The following ETV5 variants were observed in gnomAD, a reference collection of about 807,000 sequenced individuals.
The protein encoded by ETV5 is ETS translocation variant 5.
A neutral mutation model predicts 70.0 loss-of-function variants in ETV5; 10 were observed. That is an observed-to-expected ratio of 0.14 (90% CI 0.09 to 0.24). The LOEUF (loss-of-function observed/expected upper bound fraction) is 0.24. Ranked by LOEUF, ETV5 falls within the 10% of genes least tolerant of loss-of-function variation. The pLI is 1.00. For synonymous variants in ETV5, 216 were observed against 242.2 expected (o/e 0.89, Z 1.01); for missense variants, 453 against 651.2 (o/e 0.70, Z 3.31).
intron 7 of ETV5, chr3:186,077,873 AGT>A (rs1314864901): frequency 1.8e-5 from 7 of 391,552 alleles, no homozygotes; most frequent in Non-Finnish European, 2.7e-5. Context: ...GTATCACCCC[AGT>A]GTGTGTGTGA....
Position 186,077,056 on chromosome 3 carries a change from C to T in ETV5, c.650+2761G>A, listed in dbSNP as rs577660850. Among the ~76,000 whole-genome samples the T allele has an allele frequency of 7.9e-5, 12 of 152,342 alleles. No individual in the cohort carries two copies. In the East Asian group the frequency reaches 2.1e-3, roughly 27 times the overall value. ...GTTTTTGGTTGCTGAATGTAGGACCCTGTATTTGGCTATGTGAGCTTTAGA... is the reference window on the plus strand; with the variant it reads ...GTTTTTGGTTGCTGAATGTAGGACCTTGTATTTGGCTATGTGAGCTTTAGA... On this transcript the variant is annotated intron_variant, in intron 7 of 12. Transcript: ENST00000306376.
chr3:186,070,562 G>C (rs1713608041), intron 7 of ETV5, among the ~76,000 whole-genome samples: 1 of 152,218 alleles, frequency 6.6e-6, no homozygotes. Context: ...AGCAGGAGTG[G>C]CCAAGGGGGA....
At chr3:186,070,971 C>T (rs1002482417) in intron 7 of ETV5, among the ~76,000 whole-genome samples, 3 of 152,150 alleles carry the variant, frequency 2.0e-5, no homozygotes, top group African/African-American at 4.8e-5. Flanking sequence ...CTTCTGACTC[C>T]GAATAAGCCT....
chr3:186,090,003 G>GA (rs1219184466), intron 5 of ETV5, among the ~76,000 whole-genome samples: 1 of 152,044 alleles, frequency 6.6e-6, no homozygotes, highest in Admixed American at 6.5e-5. Context: ...AAATGGTTAA[G>GA]AAAAAACCAT....
chr3:186,073,818 C>T (rs1022855320), intron 7 of ETV5, among the ~76,000 whole-genome samples: 3 of 152,170 alleles, frequency 2.0e-5, no homozygotes, highest in Non-Finnish European at 2.9e-5. Flanking sequence ...GCAATCACTT[C>T]TAAACAAGGC....
intron 9 of ETV5, among the ~76,000 whole-genome samples, chr3:186,061,265 T>C (rs769817210): frequency 1.3e-5 from 2 of 152,144 alleles, no homozygotes; most frequent in Non-Finnish European, 2.9e-5. Context: ...AAAGCCTGGG[T>C]CCCACCCCAG....
chr3:186,100,086 A>G (rs1425754046), intron 5 of ETV5, among the ~76,000 whole-genome samples: 1 of 152,238 alleles, frequency 6.6e-6, no homozygotes, highest in Non-Finnish European at 1.5e-5. Context: ...TGAGGCTATC[A>G]AAACAGGAAG....
At position 186,054,934 on chromosome 3, in the gene ETV5, G is replaced by C. The variant is rs956487835; in HGVS notation, c.1209+2141C>G. On this transcript the variant is annotated intron_variant, in intron 11 of 12. Coordinates refer to ENST00000306376, the MANE Select transcript of ETV5 (RefSeq NM_004454.3). The surrounding 1 kb of genome is among the most constrained non-coding windows in gnomAD (Gnocchi z 4.4). ...GGAAAGCTTGGGGACTTCAAGGTGGGGTGGAAAGCACCATTTCCTGAAGAA... is the reference window on the plus strand; with the variant it reads ...GGAAAGCTTGGGGACTTCAAGGTGGCGTGGAAAGCACCATTTCCTGAAGAA... 6.6e-6 allele frequency among the ~76,000 whole-genome samples: 1 copy of C among 152,194 alleles called. No homozygotes were observed. The highest frequency in any genetic ancestry group is 1.5e-5 in the Non-Finnish European group (1 of 68,032).
chr3:186,078,106 C>G, intron 7 of ETV5: 1 of 1,051,618 alleles, frequency 9.5e-7, no homozygotes. Context: ...TGGAGACAGG[C>G]TTATTTCACA....
intron 11 of ETV5, 79 bp downstream of exon 11, chr3:186,056,996 C>T: frequency 2.0e-6 from 3 of 1,520,960 alleles, no homozygotes; most frequent in East Asian, 4.6e-5. Flanking sequence ...ACACAAAAAG[C>T]CTCAATGGAA....
chr3:186,053,685 C>G (rs972622752), intron 11 of ETV5, among the ~76,000 whole-genome samples: 2 of 152,180 alleles, frequency 1.3e-5, no homozygotes, highest in Admixed American at 1.3e-4. Context: ...ACACGATGTC[C>G]TGGGTCTCCT....
intron 5 of ETV5, among the ~76,000 whole-genome samples, chr3:186,101,434 T>A (rs1714456020): frequency 6.6e-6 from 1 of 152,002 alleles, no homozygotes. Context: ...GTTACAGGTG[T>A]GAGCCTAAAT....
At chr3:186,095,983 C>A (rs1295273774) in intron 5 of ETV5, among the ~76,000 whole-genome samples, 1 of 152,200 alleles carries the variant, frequency 6.6e-6, no homozygotes, top group Non-Finnish European at 1.5e-5. Context: ...GACAGGGCTC[C>A]TCTGCTTCTG....
At chr3:186,066,493 G>C (rs1050678803) in intron 7 of ETV5, among the ~76,000 whole-genome samples, 1 of 151,914 alleles carries the variant, frequency 6.6e-6, no homozygotes, top group Non-Finnish European at 1.5e-5. Flanking sequence ...AAATTAACCA[G>C]TTAGAAAATG....
chr3:186,072,371 CA>C (rs11418453), intron 7 of ETV5, among the ~76,000 whole-genome samples: 61 of 136,398 alleles, frequency 4.5e-4, no homozygotes, highest in Admixed American at 5.1e-4. Flanking sequence ...GACTCTATCT[CA>C]AAAAAAAAAA....
intron 5 of ETV5, among the ~76,000 whole-genome samples, chr3:186,091,520 C>T (rs760965958): frequency 7.2e-5 from 11 of 152,058 alleles, no homozygotes; most frequent in Non-Finnish European, 1.3e-4. Context: ...CAATAAATAA[C>T]GCAAGAGCCA....
chr3:186,057,577 T>C lies in ETV5; in HGVS notation c.971-86A>G, dbSNP rs1021104138. On this transcript the variant is annotated intron_variant, in intron 9 of 12. Coordinates refer to ENST00000306376, the MANE Select transcript of ETV5 (RefSeq NM_004454.3). This position sits in a 1 kb window ranked among gnomAD's most constrained non-coding sequence, Gnocchi z 4.9. ...TATGGATTTAAGGACTAGAGTGCAA[T>C]CCTATCATTTCAGATCCTAAGTCCT... is the stretch of plus-strand genomic sequence containing the variant. 7.0e-6 allele frequency: 8 copies of C among 1,135,488 alleles called. 1 individual carries two copies. In the African/African-American group the frequency reaches 1.2e-4, roughly 17 times the overall value. The allele number at this position is 1,135,488 out of a possible 1,614,324, so 70.3% of individuals were successfully genotyped here.
At chr3:186,053,881 T>A (rs923137187) in intron 11 of ETV5, among the ~76,000 whole-genome samples, 2 of 152,240 alleles carry the variant, frequency 1.3e-5, no homozygotes, top group African/African-American at 4.8e-5. Context: ...TGATGCCTTA[T>A]AAAACTAATC....
rs191463965 is a variant in ETV5 at position 186,066,262 on chromosome 3, C to A, written c.651-190G>T. Among the ~76,000 whole-genome samples, 100 of 94,866 alleles carry A rather than the reference C, an allele frequency of 1.1e-3. No homozygotes were observed. The highest frequency in any genetic ancestry group is 1.3e-3 in the East Asian group (4 of 3,160). 62.2% of individuals were successfully genotyped at this position (94,866 alleles called of 152,430 possible). A position where few individuals can be genotyped will look rare whatever the true frequency, so the allele number is the denominator to read the frequency against. On this transcript the variant is annotated intron_variant, in intron 7 of 12. Transcript: ENST00000306376. ...TCGAAGCTCTTGAGTCAGGAAGTGG[C>A]AAAAAAAAAAAAAAAAAATCAAAGC...
Sources: gnomAD v4.1 joint callset for allele counts (sites outside exome capture counted in the v4.1 genomes callset) on GRCh38, gnomAD v4.1.1 for gene constraint, Gnocchi (gnomAD v3.1) non-coding constraint, MANE v1.5 for transcripts, NCBI Gene and HGNC (gene_info 2026-07-23, HGNC 2026-07-21) for gene names.